CHTF18: variants seen among roughly 807,000 people sequenced by gnomAD.
CHTF18 encodes chromosome transmission fidelity protein 18 homolog.
CHTF18 carries 151 observed loss-of-function variants against 113.4 expected under a neutral mutation model. That is an observed-to-expected ratio of 1.33 (90% CI 1.17 to 1.52). The LOEUF (loss-of-function observed/expected upper bound fraction) is 1.52, where lower values mean the gene tolerates loss of function less well. Among genes scored for constraint, CHTF18 ranks in the 40% most tolerant of loss-of-function variants. The pLI is 0.00. For missense variants in CHTF18, 1,982 were observed against 1,381.6 expected (o/e 1.43, Z -6.89); for synonymous variants, 916 against 598.8 (o/e 1.53, Z -7.74).
At chr16:789,809 G>A (rs1214476891) in intron 4 of CHTF18, 94 bp downstream of exon 4, 17 of 1,424,012 alleles carry the variant, frequency 1.2e-5, no homozygotes, top group Admixed American at 9.2e-5. Context: ...TGCTTAAAGC[G>A]GGTCCTGTGC....
intron 15 of CHTF18, chr16:794,821 C>T (rs1412504758): frequency 1.2e-5 from 5 of 420,486 alleles, no homozygotes; most frequent in Non-Finnish European, 2.2e-5. Context: ...AGGCTGGATC[C>T]CTTTGGTTCC....
chr16:797,868 G>C lies in CHTF18; in HGVS notation c.2821G>C (p.Glu941Gln), dbSNP rs1386189067. 1.2e-6 allele frequency: 2 copies of C among 1,608,830 alleles called. No homozygotes were observed. Among genetic ancestry groups the C allele is most frequent in the Admixed American group, 3.4e-5 (2 of 59,464 alleles). ...GDTAPEQDSV[E>Q]RRMGTAVGRS... ...CACGGCCCCGGAGCAGGACTCAGTG[G>C]AGCGGCGCATGGGCACAGCGGTGGG... The change falls in exon 22 of 22, where the codon GAG becomes CAG. Residue 941 changes from glutamate to glutamine, a missense_variant. Coordinates refer to ENST00000262315, the MANE Select transcript of CHTF18 (RefSeq NM_022092.3).
At position 795,154 on chromosome 16, in the gene CHTF18, G is replaced by A. The variant is rs565850771; in HGVS notation, c.1973G>A (p.Arg658His). ...CAGGGCTTGTTTGACAACTTCCTGC[G>A]TCTGCGGCTGCGAGACTCCAGCCTG... is the stretch of plus-strand genomic sequence containing the variant. Reference protein sequence around the residue: ...VVQGLFDNFLRLRLRDSSLGA... With the variant: ...VVQGLFDNFLHLRLRDSSLGA... Residue 658 changes from arginine (R) to histidine (H), a missense_variant, in exon 16 of 22, where the codon CGT becomes CAT. Arg to His is a conservative substitution (Grantham distance 29). Transcript: ENST00000262315. 3.1e-4 allele frequency: 481 copies of A among 1,552,714 alleles called. 4 individuals are homozygous for A. In the South Asian group the frequency reaches 5.2e-3, roughly 17 times the overall value.
chr16:789,917 G>A, intron 4 of CHTF18: 1 of 1,465,750 alleles, frequency 6.8e-7, no homozygotes, highest in Non-Finnish European at 9.2e-7. Context: ...CTGTTTGTAT[G>A]GCCTCGGGTG....
chr16:792,796 G>A lies in CHTF18; in HGVS notation c.1557G>A (p.Val519=), dbSNP rs1419707694. Residue 519 remains valine, a synonymous_variant, in exon 12 of 22, where the codon GTG becomes GTA. Transcript: ENST00000262315. ...HFPPTLPSRL[V]QRLQEVSLRQ... is the part of the protein sequence containing the mutation. ...CGCCGACTCTGCCCTCGAGGCTGGT[G>A]CAGCGGCTCCAGGAGGTCGGTGGAG... 3.2e-6 allele frequency: 5 copies of A among 1,542,374 alleles called. No homozygotes were observed. Among genetic ancestry groups the A allele is most frequent in the Admixed American group, 1.9e-5 (1 of 51,296 alleles).
chr16:795,227 G>T lies in CHTF18; in HGVS notation c.2046G>T (p.Leu682=). 1 of 1,551,438 alleles carries T rather than the reference G, an allele frequency of 6.4e-7. No individual in the cohort carries two copies. Among genetic ancestry groups the T allele is most frequent in the Non-Finnish European group, 8.7e-7 (1 of 1,147,868 alleles). ...ACTGGCTGGCCTTCGATGACCTGCTGGCGGGGGCTGCTCATCACAGCCAGA... is the reference window on the plus strand; with the variant it reads ...ACTGGCTGGCCTTCGATGACCTGCTTGCGGGGGCTGCTCATCACAGCCAGA... ...ALDWLAFDDL[L]AGAAHHSQSF... is the part of the protein sequence containing the mutation. The change falls in exon 16 of 22, where the codon CTG becomes CTT. Residue 682 remains leucine (L), a synonymous_variant. Transcript: ENST00000262315.
intron 15 of CHTF18, among the ~76,000 whole-genome samples, chr16:794,456 G>A (rs2042284093): frequency 6.6e-6 from 1 of 152,148 alleles, no homozygotes; most frequent in Admixed American, 6.5e-5. Context: ...CGCTCTGGTG[G>A]CTGCTTGGGA....
At position 788,633 on chromosome 16, in the gene CHTF18, C is replaced by A. The variant is rs1416779459; in HGVS notation, c.-52C>A. The A allele has an allele frequency of 1.5e-6, 2 of 1,372,596 alleles. No homozygotes were observed. The highest frequency in any genetic ancestry group is 2.9e-5 in the Admixed American group (1 of 34,022). The allele number at this position is 1,372,596 out of a possible 1,614,324, so 85.0% of individuals were successfully genotyped here. On this transcript the variant is annotated 5_prime_UTR_variant, in exon 1 of 22. Coordinates refer to ENST00000262315, the MANE Select transcript of CHTF18 (RefSeq NM_022092.3). ...CACGCTCGGGGCGGGCAGTGCGCGA[C>A]GGCGGCGGCGGCGCGGGAGGTTCGG... is the stretch of plus-strand genomic sequence containing the variant.
At position 792,997 on chromosome 16, in the gene CHTF18, C is replaced by T. The variant is rs374111207; in HGVS notation, c.1604C>T (p.Pro535Leu). Residue 535 changes from proline to leucine, a missense_variant, in exon 13 of 22, where the codon CCA (proline) becomes CTA (leucine). Pro to Leu is a moderately conservative substitution (Grantham distance 98). Coordinates refer to ENST00000262315, the MANE Select transcript of CHTF18 (RefSeq NM_022092.3). ...CTGCGGCAGGGCATGAGGGCCGACC[C>T]AGGGGTGCTGGCCGCCCTCTGTGAG... is the stretch of plus-strand genomic sequence containing the variant. ...VSLRQGMRAD[P>L]GVLAALCEKT... is the part of the protein sequence containing the mutation. The T allele has an allele frequency of 1.0e-5, 16 of 1,562,190 alleles. 1 individual carries two copies. The South Asian group carries it at 1.3e-4, about 13-fold the overall frequency.
chr16:791,919 G>A lies in CHTF18; in HGVS notation c.1173G>A (p.Ala391=), dbSNP rs765138333. 6.2e-6 allele frequency: 10 copies of A among 1,609,578 alleles called. No homozygotes were observed. Among genetic ancestry groups the A allele is most frequent in the African/African-American group, 2.7e-5 (2 of 74,904 alleles). Residue 391 remains alanine, a synonymous_variant, in exon 9 of 22, where the codon GCG becomes GCA. Coordinates refer to ENST00000262315, the MANE Select transcript of CHTF18 (RefSeq NM_022092.3). The part of the protein sequence containing the change: ...TTLAHVIARH[A]GYSVVEMNAS... Reference sequence around the variant, plus strand: ...TGGCACACGTGATTGCGCGTCACGCGGGGTACTCTGTGGTGGAGATGAACG... The same window carrying A: ...TGGCACACGTGATTGCGCGTCACGCAGGGTACTCTGTGGTGGAGATGAACG...
chr16:795,900 T>C (rs1379887484), intron 17 of CHTF18, 47 bp from the exon 18 acceptor site: 7 of 1,602,136 alleles, frequency 4.4e-6, no homozygotes, highest in Middle Eastern at 1.7e-4. Flanking sequence ...TGAGCACACA[T>C]TTGTACAGCC....
chr16:796,678 C>G, intron 18 of CHTF18, 39 bp from the exon 19 acceptor site: 1 of 1,540,452 alleles, frequency 6.5e-7, no homozygotes, highest in Non-Finnish European at 8.7e-7. Context: ...CTGAGCCTGG[C>G]CCCGCTGACC....
At chr16:794,249 C>T (rs1436871971) in intron 15 of CHTF18, 48 bp downstream of exon 15, 3 of 1,588,660 alleles carry the variant, frequency 1.9e-6, no homozygotes, top group South Asian at 1.1e-5. Context: ...CTGGCTAGGA[C>T]CTGGGCTGTG....
chr16:796,994 C>T lies in CHTF18; in HGVS notation c.2635C>T (p.Leu879=). 2 of 1,542,956 alleles carry T rather than the reference C, an allele frequency of 1.3e-6. No homozygotes were observed. The highest frequency in any genetic ancestry group is 1.7e-6 in the Non-Finnish European group (2 of 1,143,788). ...DGSPPGLEGL[L]GGIGEKGVHR... ...GAGCCCCCCAGGGCTCGAGGGTCTGCTGGGGGGCATTGGGGAGAAAGGGGT... is the reference window on the plus strand; with the variant it reads ...GAGCCCCCCAGGGCTCGAGGGTCTGTTGGGGGGCATTGGGGAGAAAGGGGT... The change falls in exon 20 of 22, where the codon CTG becomes TTG. Residue 879 remains leucine, a synonymous_variant. Transcript: ENST00000262315.
chr16:795,033 C>A, intron 15 of CHTF18, 99 bp from the exon 16 acceptor site: 2 of 976,386 alleles, frequency 2.0e-6, no homozygotes, highest in Non-Finnish European at 1.5e-6. Context: ...GGGCAGGCGG[C>A]AGGCAGGAGT....
chr16:796,609 C>T, intron 18 of CHTF18, 108 bp from the exon 19 acceptor site: 4 of 1,329,160 alleles, frequency 3.0e-6, no homozygotes, highest in Non-Finnish European at 4.0e-6. Flanking sequence ...CCCCACATTC[C>T]TGCTCTGGCC....
intron 14 of CHTF18, 99 bp from the exon 15 acceptor site, chr16:793,955 G>C (rs771153232): frequency 9.5e-6 from 13 of 1,363,598 alleles, no homozygotes; most frequent in Non-Finnish European, 1.3e-5. Flanking sequence ...AATGAAGTGG[G>C]TGGCAGCTCT....
At position 796,724 on chromosome 16, in the gene CHTF18, G is replaced by T. The variant is rs927501583; in HGVS notation, c.2464G>T (p.Glu822Ter). The T allele has an allele frequency of 1.9e-6, 3 of 1,600,774 alleles. No individual in the cohort carries two copies. The highest frequency in any genetic ancestry group is 2.5e-6 in the Non-Finnish European group (3 of 1,178,964). Residue 822 changes from glutamate to a stop codon, truncating the protein, a stop_gained, in exon 19 of 22, where the codon GAG (glutamate) becomes TAG (stop). Transcript: ENST00000262315. LOFTEE classifies it high-confidence loss of function. ...QYIYRLEPNV[E>*]ELCRFPELPA... ...TCCCCCTGTGCTGAGCAGGAACGTG[G>T]AGGAACTCTGCCGCTTCCCTGAGCT...
At chr16:794,995 C>T (rs943159722) in intron 15 of CHTF18, 137 bp from the exon 16 acceptor site, 3 of 685,990 alleles carry the variant, frequency 4.4e-6, no homozygotes, top group South Asian at 3.8e-5. Flanking sequence ...TCGTGGGGAC[C>T]CTTGTGGAGG....
Sources: gnomAD v4.1 joint callset for allele counts (sites outside exome capture counted in the v4.1 genomes callset) on GRCh38, gnomAD v4.1.1 for gene constraint, MANE v1.5 for transcripts, NCBI Gene and HGNC (gene_info 2026-07-23, HGNC 2026-07-21) for gene names.